The following FRMD4A variants were observed in gnomAD, a reference collection of about 807,000 sequenced individuals.
The protein encoded by FRMD4A is FERM domain containing 4A.
Under a neutral mutation model 129.1 loss-of-function variants are expected in FRMD4A, and 29 were observed. That is an observed-to-expected ratio of 0.22 (90% CI 0.17 to 0.31). The LOEUF is 0.31. FRMD4A is among the 10% of genes least tolerant of loss of function. FRMD4A has a pLI of 1.00. For missense variants in FRMD4A, 1,272 were observed against 1,375.8 expected (o/e 0.92, Z 1.19); for synonymous variants, 634 against 571.6 (o/e 1.11, Z -1.56).
At chr10:13,880,336 C>G (rs2131118985) in intron 2 of FRMD4A, among the ~76,000 whole-genome samples, 1 of 152,356 alleles carries the variant, frequency 6.6e-6, no homozygotes, top group Admixed American at 6.5e-5. Context: ...ATATCCCACA[C>G]TGAACCCTCA....
At chr10:14,019,749 G>A (rs1034498205) in intron 2 of FRMD4A, among the ~76,000 whole-genome samples, 1 of 152,224 alleles carries the variant, frequency 6.6e-6, no homozygotes, top group Non-Finnish European at 1.5e-5. Context: ...CTTTGAGAAC[G>A]TGCCCATGCA....
intron 2 of FRMD4A, among the ~76,000 whole-genome samples, chr10:14,290,358 T>C (rs1471144819): frequency 1.3e-5 from 2 of 152,056 alleles, no homozygotes; most frequent in Admixed American, 6.6e-5. Flanking sequence ...TAAAACAGTA[T>C]GGTGCTGGCA....
At chr10:14,243,288 G>A (rs1026984713) in intron 2 of FRMD4A, among the ~76,000 whole-genome samples, 10 of 151,866 alleles carry the variant, frequency 6.6e-5, no homozygotes, top group East Asian at 1.9e-4. Flanking sequence ...TCATGGGGGC[G>A]GTTTCTCCTG....
intron 2 of FRMD4A, among the ~76,000 whole-genome samples, chr10:14,263,789 G>A (rs572706169): frequency 3.3e-5 from 5 of 152,176 alleles, no homozygotes; most frequent in African/African-American, 1.2e-4. Context: ...TTTTCACTGC[G>A]ACTGGCGCCC....
intron 2 of FRMD4A, among the ~76,000 whole-genome samples, chr10:14,076,627 G>A (rs1316315418): frequency 2.6e-5 from 4 of 151,708 alleles, no homozygotes; most frequent in South Asian, 2.1e-4. Context: ...GCGACAGAGC[G>A]AGACTCCGTC....
At chr10:14,175,884 C>G (rs1003333296) in intron 2 of FRMD4A, among the ~76,000 whole-genome samples, 8 of 152,168 alleles carry the variant, frequency 5.3e-5, no homozygotes, top group African/African-American at 1.9e-4. Flanking sequence ...CAACCTCATT[C>G]TCACTTAACC....
chr10:13,701,613 A>G (rs1016075420), intron 13 of FRMD4A, 135 bp from the exon 14 acceptor site: 23 of 705,714 alleles, frequency 3.3e-5, no homozygotes, highest in Non-Finnish European at 5.6e-5. Context: ...TCTCACATAC[A>G]CCTAGGCGTA....
intron 24 of FRMD4A, chr10:13,649,467 T>C (rs2081370053): frequency 7.8e-6 from 1 of 127,442 alleles, no homozygotes. Context: ...AGATGCTGGA[T>C]TGGTGGTTTG....
chr10:14,018,855 G>C (rs1019698551), intron 2 of FRMD4A, among the ~76,000 whole-genome samples: 4 of 152,170 alleles, frequency 2.6e-5, no homozygotes, highest in African/African-American at 9.7e-5. Flanking sequence ...GGCATGCAGA[G>C]CTTCTGATGC....
intron 4 of FRMD4A, among the ~76,000 whole-genome samples, chr10:13,801,265 C>T (rs1224935653): frequency 1.3e-5 from 2 of 151,720 alleles, no homozygotes; most frequent in Non-Finnish European, 2.9e-5. Flanking sequence ...AGAGTGGGGC[C>T]CTGTCTCAAA....
intron 2 of FRMD4A, among the ~76,000 whole-genome samples, chr10:13,859,708 G>T (rs2094266565): frequency 6.6e-6 from 1 of 152,138 alleles, no homozygotes; most frequent in Admixed American, 6.6e-5. Context: ...CAATGAATTT[G>T]ATTTCTGTGT....
chr10:14,137,553 T>C (rs143224123), intron 2 of FRMD4A, among the ~76,000 whole-genome samples: 2 of 152,216 alleles, frequency 1.3e-5, no homozygotes, highest in East Asian at 1.9e-4. Context: ...CTAATATGAG[T>C]GAAGTGATTG....
chr10:13,898,250 G>A (rs141910905), intron 2 of FRMD4A, among the ~76,000 whole-genome samples: 281 of 152,266 alleles, frequency 1.8e-3, no homozygotes, highest in Middle Eastern at 6.8e-3. Flanking sequence ...GGGCGTGCCT[G>A]TAGTCCCAGC....
At chr10:13,849,920 A>C (rs1301038475) in intron 3 of FRMD4A, among the ~76,000 whole-genome samples, 1 of 151,652 alleles carries the variant, frequency 6.6e-6, no homozygotes, top group East Asian at 2.0e-4. Context: ...CTGTAATCCC[A>C]GCATTTGGGA....
At chr10:13,784,741 C>A (rs2092813210) in intron 5 of FRMD4A, among the ~76,000 whole-genome samples, 1 of 152,154 alleles carries the variant, frequency 6.6e-6, no homozygotes, top group Non-Finnish European at 1.5e-5. Context: ...GTCATCCCAG[C>A]ACTTTGGGAG....
chr10:14,058,851 A>G (rs934845927), intron 2 of FRMD4A, among the ~76,000 whole-genome samples: 1 of 152,214 alleles, frequency 6.6e-6, no homozygotes, highest in Non-Finnish European at 1.5e-5. Flanking sequence ...TGCAACATCC[A>G]GCACTCAGAG....
chr10:13,998,289 C>G (rs181818597), intron 2 of FRMD4A, among the ~76,000 whole-genome samples: 10 of 152,286 alleles, frequency 6.6e-5, no homozygotes, highest in African/African-American at 2.2e-4. Flanking sequence ...TAATGTTTGC[C>G]AATTTCCATG....
At chr10:13,729,036 A>G (rs1160634012) in intron 12 of FRMD4A, among the ~76,000 whole-genome samples, 3 of 149,208 alleles carry the variant, frequency 2.0e-5, no homozygotes, top group African/African-American at 7.4e-5. Context: ...AGTTATTTTT[A>G]AGTAGCAGAT....
At chr10:13,818,575 G>T (rs1365595244) in intron 3 of FRMD4A, among the ~76,000 whole-genome samples, 2 of 152,108 alleles carry the variant, frequency 1.3e-5, no homozygotes, top group Non-Finnish European at 2.9e-5. Flanking sequence ...AACACCATCT[G>T]CATCCTTCAT....
Sources: allele counts gnomAD v4.1 joint callset (sites outside exome capture counted in the v4.1 genomes callset), GRCh38; gene constraint gnomAD v4.1.1; transcripts MANE v1.5; gene names NCBI Gene and HGNC (gene_info 2026-07-23, HGNC 2026-07-21).